Variants in APAF1 observed in about 807,000 individuals in gnomAD.
APAF1 encodes apoptotic protease-activating factor 1.
APAF1 carries 91 observed loss-of-function variants against 152.4 expected under a neutral mutation model. The ratio of observed to expected loss-of-function variants is 0.60; its 90% CI spans 0.50 to 0.71. The LOEUF (loss-of-function observed/expected upper bound fraction) is 0.71, where lower values mean the gene tolerates loss of function less well. APAF1 is among the 30% of genes least tolerant of loss of function. The probability of loss-of-function intolerance (pLI) is 0.00; values close to 1 mark genes in which losing one functional copy is unlikely to be tolerated. For missense variants in APAF1, 1,283 were observed against 1,472.0 expected (o/e 0.87, Z 2.10); for synonymous variants, 484 against 494.1 (o/e 0.98, Z 0.27).
At chr12:98,692,378 C>G (rs953492633) in intron 16 of APAF1, among the ~76,000 whole-genome samples, 3 of 152,050 alleles carry the variant, frequency 2.0e-5, no homozygotes, top group South Asian at 2.1e-4. Context: ...CCACTGCACC[C>G]AGCCTATGTT....
At chr12:98,728,101 G>T (rs1432663333) in intron 26 of APAF1, among the ~76,000 whole-genome samples, 1 of 152,150 alleles carries the variant, frequency 6.6e-6, no homozygotes, top group Non-Finnish European at 1.5e-5. Flanking sequence ...GGAAGCTTTG[G>T]TGACAGTGGC....
At chr12:98,666,122 A>T (rs11109564) in intron 8 of APAF1, 68 bp from the exon 9 acceptor site, 1 of 1,450,780 alleles carries the variant, frequency 6.9e-7, no homozygotes, top group Admixed American at 1.7e-5. Context: ...TGTGTGTGTG[A>T]TAATACCTGT....
chr12:98,717,276 A>T (rs2097735883), intron 22 of APAF1, among the ~76,000 whole-genome samples: 1 of 151,910 alleles, frequency 6.6e-6, no homozygotes, highest in South Asian at 2.1e-4. Context: ...CTTATTTTGT[A>T]GATAGAATAT....
chr12:98,690,828 T>C (rs1227525337), intron 16 of APAF1, among the ~76,000 whole-genome samples: 1 of 152,152 alleles, frequency 6.6e-6, no homozygotes, highest in Non-Finnish European at 1.5e-5. Context: ...ATTAAAACCA[T>C]CCACCAAGAG....
chr12:98,685,880 G>A lies in APAF1; in HGVS notation c.2179-868G>A, dbSNP rs141729480. 3.2e-3 allele frequency among the ~76,000 whole-genome samples: 487 copies of A among 152,060 alleles called. 3 individuals carry two copies. Among genetic ancestry groups the A allele is most frequent in the African/African-American group, 0.011 (439 of 41,478 alleles). ...TTGAACTCCTGACCTCAGGTGATAC[G>A]CCCACCTCAGCCTCCCAAAGTGCTG... On this transcript the variant is annotated intron_variant, in intron 15 of 26. Transcript: ENST00000551964.
rs1160537933 is a variant in APAF1, at chr12:98,645,295, CGGA to C, written c.-580_-578del. On this transcript the variant is annotated 5_prime_UTR_variant, in exon 1 of 27. Transcript: ENST00000551964. ...ATTTGACTGCTCCGCTGTCCAGAGGCGGAGAAGAAGAGGTAGCGAGTGGACGTG... is the reference window on the plus strand; with the variant it reads ...ATTTGACTGCTCCGCTGTCCAGAGGCGAAGAAGAGGTAGCGAGTGGACGTG... 1 of 152,970 alleles carries C rather than the reference CGGA, an allele frequency of 6.5e-6. No homozygotes were observed. Among genetic ancestry groups the C allele is most frequent in the African/African-American group, 2.4e-5 (1 of 41,442 alleles). The allele number at this position is 152,970 out of a possible 1,614,324, so 9.5% of individuals were successfully genotyped here. A position where few individuals can be genotyped will look rare whatever the true frequency, so the allele number is the denominator to read the frequency against.
chr12:98,711,127 A>G (rs1179325944), intron 20 of APAF1, among the ~76,000 whole-genome samples: 2 of 152,224 alleles, frequency 1.3e-5, no homozygotes, highest in African/African-American at 4.8e-5. Context: ...GAATTGGGAT[A>G]TGGAATTCAA....
chr12:98,723,540 ACT>A lies in APAF1; in HGVS notation c.3205-96_3205-95del, dbSNP rs2097746042. ...GGGTCAGAACAGCCAGTGTATTAAA[ACT>A]CTTGTTTTATAGACCTGTCTTGTAG... On this transcript the variant is annotated intron_variant, in intron 23 of 26. Transcript: ENST00000551964. The A allele has an allele frequency of 4.9e-6, 6 of 1,216,166 alleles. No homozygotes were observed. The African/African-American group carries it at 7.6e-5, about 15-fold the overall frequency. 75.3% of individuals were successfully genotyped at this position (1,216,166 alleles called of 1,614,324 possible).
chr12:98,673,442 C>CAAAAAAAA (rs1162049645), intron 12 of APAF1, among the ~76,000 whole-genome samples: 12 of 89,206 alleles, frequency 1.3e-4, no homozygotes, highest in African/African-American at 5.0e-4. Flanking sequence ...TCTCAAAAAA[C>CAAAAAAAA]AAAAAAAAAA....
At chr12:98,725,684 C>T (rs2097749450) in intron 25 of APAF1, 144 bp downstream of exon 25, 1 of 1,118,278 alleles carries the variant, frequency 8.9e-7, no homozygotes, top group Non-Finnish European at 1.4e-6. Context: ...TTCTTGTGCA[C>T]ATTGTATTCA....
intron 13 of APAF1, among the ~76,000 whole-genome samples, chr12:98,679,726 C>A (rs573772167): frequency 2.6e-5 from 4 of 152,370 alleles, no homozygotes; most frequent in Non-Finnish European, 4.4e-5. Context: ...CCGGTGCCAG[C>A]GTGTAAGCTG....
intron 25 of APAF1, among the ~76,000 whole-genome samples, 184 bp downstream of exon 25, chr12:98,725,724 AT>A (rs2097749509): frequency 6.6e-6 from 1 of 152,198 alleles, no homozygotes; most frequent in Non-Finnish European, 1.5e-5. Flanking sequence ...AAACGGATTC[AT>A]TTTAGAGTTA....
intron 22 of APAF1, among the ~76,000 whole-genome samples, chr12:98,718,218 C>T (rs2097737238): frequency 6.6e-6 from 1 of 151,870 alleles, no homozygotes; most frequent in African/African-American, 2.4e-5. Context: ...AACAGCAATT[C>T]TTTTCTTTTC....
chr12:98,722,014 CA>C (rs1425111225), intron 22 of APAF1, among the ~76,000 whole-genome samples: 1 of 152,178 alleles, frequency 6.6e-6, no homozygotes, highest in African/African-American at 2.4e-5. Context: ...TTAGCTTCAT[CA>C]GGCCCACGGG....
chr12:98,682,083 T>G (rs1204254213), intron 14 of APAF1, among the ~76,000 whole-genome samples: 2 of 147,600 alleles, frequency 1.4e-5, no homozygotes, highest in Non-Finnish European at 3.0e-5. Context: ...AGACGGAGTC[T>G]CGCTCTTTCG....
Position 98,671,070 on chromosome 12 carries a change from A to G in APAF1, c.1592A>G (p.His531Arg), listed in dbSNP as rs769307688. The change falls in exon 11 of 27, where the codon CAT becomes CGT. Residue 531 changes from histidine (H) to arginine (R), a missense_variant. By Grantham distance (29) the His-to-Arg change is conservative (BLOSUM62 0). Transcript: ENST00000551964. ...HLIHEFVEYR[H>R]ILDEKDCAVS... is the part of the protein sequence containing the mutation. ...ATTCATGAATTTGTGGAATACAGAC[A>G]TATACTAGATGAAAAGGTATATATA... 6.3e-7 allele frequency: 1 copy of G among 1,597,404 alleles called. No homozygotes were observed. Among genetic ancestry groups the G allele is most frequent in the Non-Finnish European group, 8.6e-7 (1 of 1,165,554 alleles).
chr12:98,671,483 T>C, intron 11 of APAF1, 52 bp from the exon 12 acceptor site: 1 of 1,530,372 alleles, frequency 6.5e-7, no homozygotes, highest in Non-Finnish European at 9.1e-7. Context: ...AATGGAAAAA[T>C]GTCAGATCGT....
In APAF1 at chr12:98,715,320, T is replaced by C. The variant is rs1319242393; in HGVS notation, c.2959-107T>C. 3.6e-6 allele frequency: 3 copies of C among 829,834 alleles called. No homozygotes were observed. The African/African-American group carries it at 5.5e-5, about 15-fold the overall frequency. 51.4% of individuals were successfully genotyped at this position (829,834 alleles called of 1,614,324 possible). A position where few individuals can be genotyped will look rare whatever the true frequency, so the allele number is the denominator to read the frequency against. On this transcript the variant is annotated intron_variant, in intron 21 of 26. Transcript: ENST00000551964. The stretch of plus-strand genomic sequence containing the variant: ...TTTTAATTAGGCTGGAAGCACCAGA[T>C]GGAAATTCTGTACCCTCCAGTCTAA...
chr12:98,672,077 A>G (rs745844200), intron 12 of APAF1, among the ~76,000 whole-genome samples: 1 of 152,210 alleles, frequency 6.6e-6, no homozygotes, highest in Non-Finnish European at 1.5e-5. Context: ...TGTGACTTTG[A>G]ACAAGTTACA....
Sources: allele counts gnomAD v4.1 joint callset (sites outside exome capture counted in the v4.1 genomes callset), GRCh38; gene constraint gnomAD v4.1.1; transcripts MANE v1.5; gene names NCBI Gene and HGNC (gene_info 2026-07-23, HGNC 2026-07-21).